The following SLC24A2 variants were observed in gnomAD, a reference collection of about 807,000 sequenced individuals.
SLC24A2 encodes solute carrier family 24 member 2, also known as sodium/potassium/calcium exchanger 2.
A neutral mutation model predicts 62.0 loss-of-function variants in SLC24A2; 36 were observed. That is an observed-to-expected ratio of 0.58 (90% CI 0.44 to 0.77). SLC24A2 has a LOEUF of 0.77. Among genes scored for constraint, SLC24A2 ranks in the 30% least tolerant of loss-of-function variants. The pLI, the probability that SLC24A2 is intolerant of heterozygous loss-of-function variation, is 0.00. For missense variants in SLC24A2, 846 were observed against 817.9 expected (o/e 1.03, Z -0.42); for synonymous variants, 358 against 294.0 (o/e 1.22, Z -2.23).
the SLC24A2 span, among the ~76,000 whole-genome samples, chr9:20,183,778 C>T: frequency 6.6e-6 from 1 of 152,170 alleles, no homozygotes; most frequent in South Asian, 2.1e-4. Flanking sequence ...TAGAGGTAGG[C>T]CTAGAGGGAG....
the SLC24A2 span, among the ~76,000 whole-genome samples, chr9:20,086,391 C>T: frequency 1.1e-4 from 17 of 152,288 alleles, no homozygotes; most frequent in South Asian, 1.0e-3. Context: ...CAGGACTCAC[C>T]TTGAGCCCCC....
At chr9:19,601,521 C>T (rs1473677574) in intron 4 of SLC24A2, among the ~76,000 whole-genome samples, 1 of 152,194 alleles carries the variant, frequency 6.6e-6, no homozygotes, top group Non-Finnish European at 1.5e-5. Context: ...AGGTCCACGG[C>T]TCCATTCTGG....
intron 2 of SLC24A2, among the ~76,000 whole-genome samples, chr9:19,754,623 T>C (rs1822080684): frequency 6.6e-6 from 1 of 151,694 alleles, no homozygotes; most frequent in African/African-American, 2.4e-5. Context: ...GTTTCTGCTC[T>C]TTCTCCTGGA....
chr9:19,733,112 G>A (rs998107127), intron 2 of SLC24A2, among the ~76,000 whole-genome samples: 11 of 150,426 alleles, frequency 7.3e-5, no homozygotes, highest in Admixed American at 6.6e-4. Context: ...CGCTGGGCAT[G>A]TGAGCTACCT....
chr9:19,908,066 G>A, the SLC24A2 span, among the ~76,000 whole-genome samples: 39 of 152,200 alleles, frequency 2.6e-4, no homozygotes, highest in South Asian at 4.2e-4. Context: ...GAGGCATCAC[G>A]TTACCTGACT....
chr9:19,631,482 C>T (rs1414497877), intron 2 of SLC24A2, among the ~76,000 whole-genome samples: 3 of 152,172 alleles, frequency 2.0e-5, no homozygotes, highest in Admixed American at 6.6e-5. Context: ...CTCCCAACTG[C>T]TTGTGTTTGC....
At chr9:19,881,403 T>C in the SLC24A2 span, among the ~76,000 whole-genome samples, 474 of 152,324 alleles carry the variant, frequency 3.1e-3, 2 homozygotes, top group African/African-American at 0.011. Context: ...CTGAGAACCA[T>C]CTACTGACTT....
the SLC24A2 span, among the ~76,000 whole-genome samples, chr9:19,945,079 G>A: frequency 6.6e-6 from 1 of 152,102 alleles, no homozygotes; most frequent in African/African-American, 2.4e-5. Flanking sequence ...AAAGAATCCG[G>A]ACAGCAAAAT....
chr9:20,304,807 T>G, the SLC24A2 span, among the ~76,000 whole-genome samples: 2 of 152,046 alleles, frequency 1.3e-5, no homozygotes, highest in African/African-American at 2.4e-5. Flanking sequence ...GTAACTTGCC[T>G]AAAGTCTCAG....
the SLC24A2 span, among the ~76,000 whole-genome samples, chr9:20,018,354 G>C: frequency 6.6e-6 from 1 of 152,110 alleles, no homozygotes; most frequent in African/African-American, 2.4e-5. Context: ...TCCTCTATCT[G>C]TCTATCAAGA....
chr9:20,162,499 AC>A, the SLC24A2 span, among the ~76,000 whole-genome samples: 1 of 151,990 alleles, frequency 6.6e-6, no homozygotes, highest in Non-Finnish European at 1.5e-5. Context: ...TAGCTTACCA[AC>A]CAAAAAGAGT....
At chr9:19,611,853 G>C (rs543112863) in intron 4 of SLC24A2, among the ~76,000 whole-genome samples, 148 of 152,150 alleles carry the variant, frequency 9.7e-4, no homozygotes, top group Non-Finnish European at 1.7e-3. Context: ...GTTACATAAT[G>C]TGGTCCTGGG....
the SLC24A2 span, among the ~76,000 whole-genome samples, chr9:20,062,849 C>T: frequency 7.8e-6 from 1 of 128,134 alleles, no homozygotes; most frequent in Admixed American, 8.8e-5. Context: ...ACAGACACTT[C>T]TCAAAAGAAG....
the SLC24A2 span, among the ~76,000 whole-genome samples, chr9:20,278,616 C>T: frequency 6.6e-6 from 1 of 152,216 alleles, no homozygotes; most frequent in African/African-American, 2.4e-5. Context: ...TTCCATATCA[C>T]TATCAGCATT....
chr9:19,794,505 T>G, the SLC24A2 span, among the ~76,000 whole-genome samples: 1 of 151,766 alleles, frequency 6.6e-6, no homozygotes, highest in Non-Finnish European at 1.5e-5. Context: ...GTGACAAAAT[T>G]ATCTGTACAT....
chr9:19,693,856 G>A (rs995061451), intron 2 of SLC24A2, among the ~76,000 whole-genome samples: 3 of 150,350 alleles, frequency 2.0e-5, no homozygotes, highest in African/African-American at 7.3e-5. Context: ...CTTTTTACCT[G>A]TCTTTGTTCA....
chr9:19,642,750 G>A (rs1459848662), intron 2 of SLC24A2, among the ~76,000 whole-genome samples: 2 of 133,002 alleles, frequency 1.5e-5, no homozygotes, highest in African/African-American at 5.7e-5. Flanking sequence ...GCACTATCTC[G>A]GCTCACTGCA....
intron 2 of SLC24A2, among the ~76,000 whole-genome samples, chr9:19,706,379 CT>C (rs34321235): frequency 0.23 from 29,936 of 131,654 alleles, 3,790 homozygotes; most frequent in Middle Eastern, 0.29. Context: ...GGTCTTGAAT[CT>C]TTTTTTTTTT....
At chr9:20,269,559 G>A in the SLC24A2 span, among the ~76,000 whole-genome samples, 4 of 152,088 alleles carry the variant, frequency 2.6e-5, no homozygotes, top group East Asian at 1.9e-4. Context: ...CAGCAGCTCC[G>A]TTTCATCTGC....
Sources: allele counts gnomAD v4.1 joint callset (sites outside exome capture counted in the v4.1 genomes callset), GRCh38; gene constraint gnomAD v4.1.1; transcripts MANE v1.5; gene names NCBI Gene and HGNC (gene_info 2026-07-23, HGNC 2026-07-21).